The following CBARP variants were observed in gnomAD, a reference collection of about 807,000 sequenced individuals.
CBARP encodes CACN subunit beta associated regulatory protein, also known as voltage-dependent calcium channel beta subunit-associated regulatory protein.
Under a neutral mutation model 36.3 loss-of-function variants are expected in CBARP, and 24 were observed. The observed-to-expected ratio is 0.66, with a 90% confidence interval of 0.48 to 0.93. CBARP has a LOEUF of 0.93. CBARP is among the 40% of genes least tolerant of loss of function. The pLI, the probability that CBARP is intolerant of heterozygous loss-of-function variation, is 0.00. For synonymous variants in CBARP, 586 were observed against 453.2 expected, an observed-to-expected ratio of 1.29 and a Z score of -3.72; for missense variants, 1,146 against 980.4, an observed-to-expected ratio of 1.17 and a Z score of -2.26.
intron 1 of CBARP, among the ~76,000 whole-genome samples, chr19:1,237,315 T>G (rs912757221): frequency 6.6e-5 from 10 of 151,930 alleles, no homozygotes; most frequent in Non-Finnish European, 1.5e-4. Flanking sequence ...GGAAATGAGT[T>G]CAGGCTGGAG....
rs942130341 is a variant in CBARP at position 1,237,932 on chromosome 19, G to C, written c.-198C>G. 1 of 146,912 alleles carries C rather than the reference G, an allele frequency of 6.8e-6. No individual in the cohort carries two copies. Among genetic ancestry groups the C allele is most frequent in the Admixed American group, 6.8e-5 (1 of 14,786 alleles). The allele number at this position is 146,912 out of a possible 1,614,324, so 9.1% of individuals were successfully genotyped here. ...GGGCCGCGCACGTGACCGCGTTGGC[G>C]GCGCGCCCGCTCCGCGCGCCCGGTG... On this transcript the variant is annotated 5_prime_UTR_variant, in exon 1 of 10. Coordinates refer to ENST00000650044, the MANE Select transcript of CBARP (RefSeq NM_001393918.1).
chr19:1,235,755 C>T (rs1287589417), intron 3 of CBARP, 24 bp downstream of exon 3: 4 of 1,606,134 alleles, frequency 2.5e-6, no homozygotes, highest in Non-Finnish European at 3.4e-6. Flanking sequence ...ATGCACCTGC[C>T]CAGCCGAGGT....
In CBARP at chr19:1,235,837, A is replaced by C. The variant is rs202232670; in HGVS notation, c.187T>G (p.Leu63Val). 4.0e-5 allele frequency: 65 copies of C among 1,611,358 alleles called. No individual in the cohort carries two copies. Among genetic ancestry groups the C allele is most frequent in the Middle Eastern group, 1.7e-4 (1 of 6,060 alleles). Residue 63 changes from leucine to valine, a missense_variant, in exon 3 of 10, where the codon TTG becomes GTG. By Grantham distance (32) the Leu-to-Val change is conservative. Coordinates refer to ENST00000650044, the MANE Select transcript of CBARP (RefSeq NM_001393918.1). The stretch of plus-strand genomic sequence containing the variant: ...TTGCAGAGGAGCAGGACGCCAGACA[A>C]CACCACCAGCGTGCCCCCCACGAAC... ...SLFVGGTLVVLSGVLLLCKRC... is the reference protein window; with the variant it reads ...SLFVGGTLVVVSGVLLLCKRC...
chr19:1,230,148 A>G lies in CBARP; in HGVS notation c.1155-6T>C. The G allele has an allele frequency of 9.9e-7, 1 of 1,012,356 alleles. No homozygotes were observed. The highest frequency in any genetic ancestry group is 3.5e-5 in the South Asian group (1 of 28,836). The allele number at this position is 1,012,356 out of a possible 1,614,324, so 62.7% of individuals were successfully genotyped here. ...CTGCCTCGGCCGCCTCTAGCCTGCA[A>G]GCCAGGCCGCGCCGTCAGAGCCCCG... is the stretch of plus-strand genomic sequence containing the variant. On this transcript the variant is annotated splice_polypyrimidine_tract_variant and splice_region_variant and intron_variant, in intron 9 of 9. Transcript: ENST00000650044.
chr19:1,231,603 C>G (rs1299417958), intron 8 of CBARP, among the ~76,000 whole-genome samples: 1 of 115,828 alleles, frequency 8.6e-6, no homozygotes, highest in Non-Finnish European at 1.8e-5. Flanking sequence ...ATGCCTGTGC[C>G]CCCCCCACAG....
intron 4 of CBARP, 130 bp downstream of exon 4, chr19:1,235,371 G>A (rs998135188): frequency 2.0e-5 from 23 of 1,160,100 alleles, no homozygotes; most frequent in Admixed American, 3.0e-5. Flanking sequence ...GAGATGAGTC[G>A]GAATCGAGCT....
rs2080852122 is a variant in CBARP at position 1,228,876 on chromosome 19, TGA to T, written c.*301_*302del. 1 of 147,668 alleles carries T rather than the reference TGA, an allele frequency of 6.8e-6. No individual in the cohort carries two copies. The highest frequency in any genetic ancestry group is 1.5e-5 in the Non-Finnish European group (1 of 66,300). The allele number at this position is 147,668 out of a possible 1,614,324, so 9.1% of individuals were successfully genotyped here. On this transcript the variant is annotated 3_prime_UTR_variant, in exon 10 of 10. Coordinates refer to ENST00000650044, the MANE Select transcript of CBARP (RefSeq NM_001393918.1). The stretch of plus-strand genomic sequence containing the variant: ...ATCGTTGTCCTCAGGAGCCCGAAGC[TGA>T]GAGCCGTTCACGCCCCTTCCTTCCC...
intron 3 of CBARP, 60 bp downstream of exon 3, chr19:1,235,719 A>G: frequency 6.2e-7 from 1 of 1,603,836 alleles, no homozygotes; most frequent in Non-Finnish European, 8.5e-7. Flanking sequence ...TAGACCCCCC[A>G]CCACCCGATG....
rs1262997478 is a variant in CBARP at position 1,231,227 on chromosome 19, C to G, written c.1028G>C (p.Ser343Thr). The G allele has an allele frequency of 1.2e-6, 2 of 1,602,850 alleles. No individual in the cohort carries two copies. The highest frequency in any genetic ancestry group is 8.5e-7 in the Non-Finnish European group (1 of 1,179,566). Residue 343 changes from serine to threonine, a missense_variant, in exon 9 of 10, where the codon AGC becomes ACC. By Grantham distance (58) the Ser-to-Thr change is moderately conservative. Transcript: ENST00000650044. The part of the protein sequence containing the change: ...HFQRQRAASE[S>T]TEQEEGDAPQ... ...GGCATCCCCCTCCTCCTGCTCCGTG[C>G]TCTCACTGGCTGCCCGCTGCCGCTG...
chr19:1,237,122 G>C lies in CBARP; in HGVS notation c.-22+634C>G, dbSNP rs112581657. Reference sequence around the variant, plus strand: ...CACCGCACGCGCGAGACCTTTCCCGGAGCGAGAGGAGCGCACAGGCGGCAG... The same window carrying C: ...CACCGCACGCGCGAGACCTTTCCCGCAGCGAGAGGAGCGCACAGGCGGCAG... On this transcript the variant is annotated intron_variant, in intron 1 of 9. Coordinates refer to ENST00000650044, the MANE Select transcript of CBARP (RefSeq NM_001393918.1). Among the ~76,000 whole-genome samples the C allele has an allele frequency of 2.0e-3, 302 of 152,322 alleles. 2 individuals carry two copies. Among genetic ancestry groups the C allele is most frequent in the African/African-American group, 7.0e-3 (289 of 41,574 alleles).
At position 1,231,299 on chromosome 19, in the gene CBARP, C is replaced by T. The variant is rs751925408; in HGVS notation, c.980-24G>A. ...ACCTGCGCACGGGATGTGCCGTAAG[C>T]GTCAGCCGGCATGTGCCTCCACCCG... On this transcript the variant is annotated intron_variant, in intron 8 of 9. Transcript: ENST00000650044. 1.4e-5 allele frequency: 23 copies of T among 1,591,858 alleles called. No individual in the cohort carries two copies. In the South Asian group the frequency reaches 1.8e-4, roughly 12 times the overall value.
chr19:1,230,853 ATCCTCGGGGGGCCCC>A (rs756271515), intron 9 of CBARP: 1 of 1,495,072 alleles, frequency 6.7e-7, no homozygotes, highest in Admixed American at 2.3e-5. Context: ...TACCAGCGCC[ATCCTCGGGGGGCCCC>A]TCCTCCCCAC....
Position 1,229,808 on chromosome 19 carries a change from G to C in CBARP, c.1489C>G (p.Arg497Gly). The change falls in exon 10 of 10, where the codon CGG becomes GGG. Residue 497 changes from arginine (R) to glycine (G), a missense_variant. Physicochemically the swap from Arg to Gly is moderately radical, Grantham distance 125. Transcript: ENST00000650044. The surrounding 1 kb of genome is among the most constrained non-coding windows in gnomAD (Gnocchi z 5.1). ...APRPKDGEAR[R>G]LLQMDSGYAS... The stretch of plus-strand genomic sequence containing the variant: ...TAGCCACTGTCCATCTGCAGCAGCC[G>C]GCGCGCCTCGCCGTCCTTGGGCCGC... 1.0e-6 allele frequency: 1 copy of C among 998,446 alleles called. No homozygotes were observed. The highest frequency in any genetic ancestry group is 1.2e-6 in the Non-Finnish European group (1 of 836,292). The allele number at this position is 998,446 out of a possible 1,614,324, so 61.8% of individuals were successfully genotyped here.
rs201506885 is a variant in CBARP, at chr19:1,235,933, G to C, written c.106-15C>G. 1.9e-4 allele frequency: 311 copies of C among 1,605,250 alleles called. 1 individual carries two copies. Among genetic ancestry groups the C allele is most frequent in the Admixed American group, 1.1e-3 (68 of 59,660 alleles). On this transcript the variant is annotated splice_polypyrimidine_tract_variant and intron_variant, in intron 2 of 9. Coordinates refer to ENST00000650044, the MANE Select transcript of CBARP (RefSeq NM_001393918.1). ...TCTGGCTCTGCCTGCGGGTGTGCAG[G>C]GGGGGTCAGGTGCTGCTGGCCTGGA... is the stretch of plus-strand genomic sequence containing the variant.
intron 9 of CBARP, 67 bp downstream of exon 9, chr19:1,231,033 TA>T (rs771515759): frequency 6.7e-4 from 1,044 of 1,553,624 alleles, no homozygotes; most frequent in Admixed American, 1.3e-3. Flanking sequence ...CTGGGCCGCC[TA>T]GGGGGGGGCG....
In CBARP at chr19:1,235,501, C is replaced by G; in HGVS notation, c.310G>C (p.Asp104His). 6.3e-7 allele frequency: 1 copy of G among 1,591,698 alleles called. No homozygotes were observed. The highest frequency in any genetic ancestry group is 8.5e-7 in the Non-Finnish European group (1 of 1,171,558). Residue 104 changes from aspartate (D) to histidine (H), a missense_variant and splice_region_variant, in exon 4 of 10, where the codon GAC becomes CAC. Physicochemically the swap from Asp to His is moderately conservative, Grantham distance 81. Transcript: ENST00000650044. ...ACAGCCAGGCTGGCCAGCACCTCAC[C>G]TTGGGCTGGGTGGGTGCCGTTGTCC... The part of the protein sequence containing the change: ...YLDNGTHPAQ[D>H]PDFRGEDPEC...
chr19:1,229,305 C>G lies in CBARP; in HGVS notation c.1992G>C (p.Ser664=), dbSNP rs750541748. The change falls in exon 10 of 10, where the codon TCG becomes TCC. Residue 664 remains serine, a synonymous_variant. Coordinates refer to ENST00000650044, the MANE Select transcript of CBARP (RefSeq NM_001393918.1). The surrounding 1 kb of genome is among the most constrained non-coding windows in gnomAD (Gnocchi z 5.1). ...GGCCAGCCGCCAGCTTGTCCAGCAC[C>G]GACCCGGATGGTAGGACGCACAGGC... ...GSGLCVLPSG[S]VLDKLAAGLD... 8.0e-7 allele frequency: 1 copy of G among 1,254,588 alleles called. No homozygotes were observed. 77.7% of individuals were successfully genotyped at this position (1,254,588 alleles called of 1,614,324 possible).
rs769681355 is a variant in CBARP at position 1,230,002 on chromosome 19, G to T, written c.1295C>A (p.Thr432Asn). 7.3e-6 allele frequency: 9 copies of T among 1,236,236 alleles called. No individual in the cohort carries two copies. The highest frequency in any genetic ancestry group is 9.3e-6 in the Non-Finnish European group (9 of 967,098). The allele number at this position is 1,236,236 out of a possible 1,614,324, so 76.6% of individuals were successfully genotyped here. Residue 432 changes from threonine (T) to asparagine (N), a missense_variant, in exon 10 of 10, where the codon ACC (threonine) becomes AAC (asparagine). By Grantham distance (65) the Thr-to-Asn change is moderately conservative (BLOSUM62 0). Transcript: ENST00000650044. ...CAGGCTCCACAGGTCGCGGTAGCTGGTCTGGGCCTGCTCGGGGCCCGCGTC... is the reference window on the plus strand; with the variant it reads ...CAGGCTCCACAGGTCGCGGTAGCTGTTCTGGGCCTGCTCGGGGCCCGCGTC... ...ERDAGPEQAQ[T>N]SYRDLWSLRA...
intron 9 of CBARP, 110 bp from the exon 10 acceptor site, chr19:1,230,252 C>T (rs2080872403): frequency 5.0e-6 from 5 of 992,700 alleles, no homozygotes; most frequent in African/African-American, 3.5e-5. Flanking sequence ...ACTTGGGACT[C>T]GGGCGGGCCT....
Sources: allele counts gnomAD v4.1 joint callset (sites outside exome capture counted in the v4.1 genomes callset), GRCh38; gene constraint gnomAD v4.1.1; non-coding constraint Gnocchi (gnomAD v3.1); transcripts MANE v1.5; gene names NCBI Gene and HGNC (gene_info 2026-07-23, HGNC 2026-07-21).